Variants in CSMD2 observed in about 807,000 individuals in gnomAD.
CSMD2 encodes CUB and Sushi multiple domains 2, also known as CUB and sushi domain-containing protein 2.
CSMD2 carries 130 observed loss-of-function variants against 398.5 expected under a neutral mutation model. That is an observed-to-expected ratio of 0.33 (90% confidence interval 0.28 to 0.38). CSMD2 has a LOEUF of 0.38. CSMD2 is among the 10% of genes least tolerant of loss of function. CSMD2 has a pLI of 1.00. For missense variants in CSMD2, 3,829 were observed against 4,764.9 expected, an observed-to-expected ratio of 0.80 and a Z score of 5.78; for synonymous variants, 1,828 against 1,908.5, an observed-to-expected ratio of 0.96 and a Z score of 1.10.
intron 10 of CSMD2, 139 bp downstream of exon 10, chr1:33,810,604 A>C: frequency 1.3e-6 from 1 of 766,738 alleles, no homozygotes; most frequent in African/African-American, 2.4e-5. Flanking sequence ...TCCACTCGAT[A>C]TTAATAAAAA....
At chr1:34,089,235 C>G in intron 1 of CSMD2, 42 bp from the exon 2 acceptor site, 1 of 1,556,628 alleles carries the variant, frequency 6.4e-7, no homozygotes, top group Admixed American at 1.7e-5. Context: ...GCCAGAATAA[C>G]TCCTAGAAGC....
In CSMD2 at chr1:33,541,206, C is replaced by A; in HGVS notation, c.9381G>T (p.Met3127Ile). 1.2e-6 allele frequency: 2 copies of A among 1,614,164 alleles called. No homozygotes were observed. Among genetic ancestry groups the A allele is most frequent in the Non-Finnish European group, 1.7e-6 (2 of 1,180,016 alleles). ...GCACAGATACTCTATGTGACTCCAT[C>A]ATATAGCCAGGGACACACTGATATG... The part of the protein sequence containing the change: ...TVTYQCVPGY[M>I]MESHRVSVLS... The change falls in exon 59 of 71, where the codon ATG becomes ATT. Residue 3127 changes from methionine to isoleucine, a missense_variant. Met to Ile is a conservative substitution (Grantham distance 10). This residue lies in a region of CSMD2 where 917 missense variants were observed against 1,199.5 expected (regional missense o/e 0.76). Transcript: ENST00000373381.
chr1:33,944,230 G>GC (rs35597190), intron 3 of CSMD2, among the ~76,000 whole-genome samples: 4,741 of 146,780 alleles, frequency 0.032, 148 homozygotes, highest in African/African-American at 0.093. Context: ...TCTCAGGAAC[G>GC]CCCCCCCCCC....
intron 25 of CSMD2, among the ~76,000 whole-genome samples, chr1:33,676,309 C>T (rs1644709240): frequency 2.0e-5 from 3 of 152,110 alleles, no homozygotes; most frequent in Non-Finnish European, 4.4e-5. Context: ...TTCCTATACA[C>T]CAATAACAGA....
chr1:33,800,753 G>A (rs1432515629), intron 10 of CSMD2, among the ~76,000 whole-genome samples: 1 of 152,136 alleles, frequency 6.6e-6, no homozygotes, highest in Non-Finnish European at 1.5e-5. Flanking sequence ...GATACCACAT[G>A]GCCACAGCCA....
intron 3 of CSMD2, among the ~76,000 whole-genome samples, chr1:33,973,470 C>T (rs1043519969): frequency 6.6e-6 from 1 of 152,216 alleles, no homozygotes; most frequent in Non-Finnish European, 1.5e-5. Context: ...CCAGGCTTTG[C>T]AGACCCTGAG....
chr1:34,059,131 G>A (rs915101723), intron 2 of CSMD2, among the ~76,000 whole-genome samples: 33 of 152,142 alleles, frequency 2.2e-4, no homozygotes, highest in Admixed American at 2.0e-3. Flanking sequence ...TAGGCTCAAG[G>A]GTTCCCCAAG....
intron 3 of CSMD2, among the ~76,000 whole-genome samples, chr1:34,031,234 T>C (rs1650369117): frequency 6.6e-6 from 1 of 152,092 alleles, no homozygotes; most frequent in Non-Finnish European, 1.5e-5. Context: ...GGCTAATTTT[T>C]GTATTTTCAG....
rs774156082 is a variant in CSMD2, at chr1:33,772,746, C to G, written c.1669G>C (p.Glu557Gln). Residue 557 changes from glutamate to glutamine, a missense_variant, in exon 13 of 71, where the codon GAG becomes CAG. By Grantham distance (29) the Glu-to-Gln change is conservative (BLOSUM62 2). Coordinates refer to ENST00000373381, the MANE Select transcript of CSMD2 (RefSeq NM_001281956.2). ...CCAGGGTCACCGCAACTGCCCTGCT[C>G]GATCTCTGAAAGACAGGAAGATGAG... ...LGFKASYEEI[E>Q]QGSCGDPGIP... 2 of 1,610,110 alleles carry G rather than the reference C, an allele frequency of 1.2e-6. No homozygotes were observed. The highest frequency in any genetic ancestry group is 1.7e-6 in the Non-Finnish European group (2 of 1,177,014).
At chr1:34,003,463 G>C (rs1646963353) in intron 3 of CSMD2, among the ~76,000 whole-genome samples, 1 of 152,152 alleles carries the variant, frequency 6.6e-6, no homozygotes, top group Admixed American at 6.5e-5. Context: ...ATCATGCCCA[G>C]ACTGCAGGCG....
intron 47 of CSMD2, among the ~76,000 whole-genome samples, chr1:33,581,770 G>A (rs890340673): frequency 3.3e-5 from 5 of 152,070 alleles, no homozygotes; most frequent in Non-Finnish European, 7.3e-5. Context: ...TTGAAGGGGC[G>A]CAGAATATAA....
chr1:34,118,838 A>G (rs1661868629), intron 1 of CSMD2, among the ~76,000 whole-genome samples: 1 of 152,238 alleles, frequency 6.6e-6, no homozygotes, highest in Non-Finnish European at 1.5e-5. Flanking sequence ...ATGTTGTTAA[A>G]ATGCTCATAT....
chr1:34,140,317 C>CAAACA (rs1553330751), intron 1 of CSMD2, among the ~76,000 whole-genome samples: 27 of 137,834 alleles, frequency 2.0e-4, no homozygotes, highest in African/African-American at 6.7e-4. Context: ...AACAAACAAA[C>CAAACA]AAAAAAAAAC....
At chr1:33,662,628 C>G (rs545785453) in intron 26 of CSMD2, among the ~76,000 whole-genome samples, 1 of 152,298 alleles carries the variant, frequency 6.6e-6, no homozygotes, top group East Asian at 1.9e-4. Flanking sequence ...TTCCTTGATG[C>G]TCCAAGGTGA....
intron 3 of CSMD2, among the ~76,000 whole-genome samples, chr1:33,967,060 A>G (rs1645582488): frequency 6.6e-6 from 1 of 152,186 alleles, no homozygotes; most frequent in East Asian, 1.9e-4. Flanking sequence ...TCACGATTCT[A>G]TTTAGTCTTA....
chr1:34,103,756 T>C (rs900862008), intron 1 of CSMD2, among the ~76,000 whole-genome samples: 36 of 33,088 alleles, frequency 1.1e-3, no homozygotes, highest in Middle Eastern at 0.014. Context: ...TTAACAATGA[T>C]GGCAAACACA....
At chr1:33,643,096 C>G (rs919028102) in intron 29 of CSMD2, among the ~76,000 whole-genome samples, 4 of 152,194 alleles carry the variant, frequency 2.6e-5, no homozygotes, top group African/African-American at 9.7e-5. Flanking sequence ...CTGGATCTCT[C>G]TAAAAGACAT....
In CSMD2 at chr1:33,546,187, T is replaced by C; in HGVS notation, c.8950A>G (p.Ile2984Val). ...CCCAAACGGATGCCATGAGCCGGGATCCCAGGGTCACCGCAAACTCCCACG... is the reference window on the plus strand; with the variant it reads ...CCCAAACGGATGCCATGAGCCGGGACCCCAGGGTCACCGCAAACTCCCACG... ...TSVGVCGDPG[I>V]PAHGIRLGDS... The change falls in exon 57 of 71, where the codon ATC (isoleucine) becomes GTC (valine). Residue 2984 changes from isoleucine (I) to valine (V), a missense_variant. Physicochemically the swap from Ile to Val is conservative, Grantham distance 29. Transcript: ENST00000373381. 1 of 1,614,004 alleles carries C rather than the reference T, an allele frequency of 6.2e-7. No homozygotes were observed. Among genetic ancestry groups the C allele is most frequent in the Non-Finnish European group, 8.5e-7 (1 of 1,179,948 alleles).
intron 6 of CSMD2, among the ~76,000 whole-genome samples, chr1:33,842,642 T>C (rs945071427): frequency 6.6e-6 from 1 of 152,210 alleles, no homozygotes; most frequent in African/African-American, 2.4e-5. Flanking sequence ...GCCCTGGCAG[T>C]GCTAAAGCAG....
Sources: gnomAD v4.1 joint callset for allele counts (sites outside exome capture counted in the v4.1 genomes callset) on GRCh38, gnomAD v4.1.1 for gene constraint, gnomAD v4.1.1 regional missense constraint, MANE v1.5 for transcripts, NCBI Gene and HGNC (gene_info 2026-07-23, HGNC 2026-07-21) for gene names.